Variants in SHISA6 observed in about 807,000 individuals in gnomAD.
The protein encoded by SHISA6 is shisa family member 6, also known as protein shisa-6.
In SHISA6, 22 loss-of-function variants were observed where a neutral mutation model predicts 47.9. That is an observed-to-expected ratio of 0.46 (90% CI 0.33 to 0.66). The LOEUF is 0.66. Among genes scored for constraint, SHISA6 ranks in the 30% least tolerant of loss-of-function variants. SHISA6 has a pLI of 0.02. For synonymous variants in SHISA6, 388 were observed against 337.8 expected, an observed-to-expected ratio of 1.15 and a Z score of -1.63; for missense variants, 680 against 764.6, an observed-to-expected ratio of 0.89 and a Z score of 1.30.
intron 2 of SHISA6, among the ~76,000 whole-genome samples, chr17:11,360,526 C>T (rs1233015741): frequency 1.3e-5 from 2 of 150,768 alleles, no homozygotes; most frequent in Non-Finnish European, 2.9e-5. Context: ...TGCCACTGCA[C>T]TCCAGCCTGG....
chr17:11,321,529 G>A (rs9909957), intron 2 of SHISA6, among the ~76,000 whole-genome samples: 137,793 of 152,262 alleles, frequency 0.9, 62,430 homozygotes, highest in East Asian at 1. Flanking sequence ...TTACAAAAAC[G>A]TATAGGTAGG....
At chr17:11,265,339 G>A (rs1316587721) in intron 2 of SHISA6, among the ~76,000 whole-genome samples, 1 of 152,148 alleles carries the variant, frequency 6.6e-6, no homozygotes, top group Non-Finnish European at 1.5e-5. Flanking sequence ...GCTGCACATT[G>A]GAATCAACTG....
chr17:11,263,869 A>G (rs1167418625), intron 2 of SHISA6, among the ~76,000 whole-genome samples: 1 of 152,184 alleles, frequency 6.6e-6, no homozygotes, highest in Non-Finnish European at 1.5e-5. Flanking sequence ...TAGGCTGAGT[A>G]GGATGCTAGA....
At chr17:11,522,737 G>C (rs1219392763) in intron 3 of SHISA6, among the ~76,000 whole-genome samples, 1 of 152,184 alleles carries the variant, frequency 6.6e-6, no homozygotes, top group Admixed American at 6.5e-5. Flanking sequence ...CACTGTGTTT[G>C]TCCAACATTG....
chr17:11,344,313 C>G (rs76432407), intron 2 of SHISA6, among the ~76,000 whole-genome samples: 2 of 152,026 alleles, frequency 1.3e-5, no homozygotes, highest in Non-Finnish European at 2.9e-5. Context: ...GAAACAAAAA[C>G]GTTTAAAAAT....
intron 3 of SHISA6, among the ~76,000 whole-genome samples, chr17:11,441,034 T>C (rs900306100): frequency 6.6e-6 from 1 of 151,882 alleles, no homozygotes; most frequent in Non-Finnish European, 1.5e-5. Flanking sequence ...AAAAAGAAGG[T>C]AGTCACTCAC....
intron 2 of SHISA6, among the ~76,000 whole-genome samples, chr17:11,332,940 T>A (rs564218753): frequency 5.3e-5 from 8 of 152,208 alleles, no homozygotes; most frequent in African/African-American, 1.7e-4. Context: ...AAACTGCCAG[T>A]GCGGCATCTA....
intron 2 of SHISA6, among the ~76,000 whole-genome samples, chr17:11,346,391 G>A (rs1358393059): frequency 1.3e-5 from 2 of 152,186 alleles, no homozygotes; most frequent in African/African-American, 4.8e-5. Context: ...ATCTGCATCT[G>A]TAGTTATAAG....
chr17:11,370,170 A>T (rs1912589872), intron 2 of SHISA6, among the ~76,000 whole-genome samples: 1 of 152,204 alleles, frequency 6.6e-6, no homozygotes, highest in Non-Finnish European at 1.5e-5. Context: ...CACCACCATC[A>T]AGCACTCCTC....
chr17:11,413,345 T>C (rs1341427446), intron 3 of SHISA6, among the ~76,000 whole-genome samples: 2 of 152,194 alleles, frequency 1.3e-5, no homozygotes, highest in Non-Finnish European at 2.9e-5. Context: ...ATGTCTGTGT[T>C]CACCCTCATA....
chr17:11,507,963 A>G (rs1041374366), intron 3 of SHISA6, among the ~76,000 whole-genome samples: 5 of 152,228 alleles, frequency 3.3e-5, no homozygotes, highest in Non-Finnish European at 7.3e-5. Flanking sequence ...GGAGTGAGCT[A>G]GCCCAAGGAC....
At chr17:11,489,255 T>G (rs1331602454) in intron 3 of SHISA6, among the ~76,000 whole-genome samples, 1 of 152,124 alleles carries the variant, frequency 6.6e-6, no homozygotes, top group East Asian at 1.9e-4. Context: ...ATGAAAATCT[T>G]TCTCTTCTGC....
chr17:11,256,538 G>GT (rs1196782283), intron 1 of SHISA6, among the ~76,000 whole-genome samples: 1 of 152,088 alleles, frequency 6.6e-6, no homozygotes, highest in Non-Finnish European at 1.5e-5. Flanking sequence ...CACAAGAATC[G>GT]TAATGGCAGC....
chr17:11,323,717 C>T (rs370949117), intron 2 of SHISA6, among the ~76,000 whole-genome samples: 6 of 151,338 alleles, frequency 4.0e-5, no homozygotes, highest in Admixed American at 1.3e-4. Context: ...ACTTTGTGGT[C>T]GAGCTGGGAC....
intron 3 of SHISA6, among the ~76,000 whole-genome samples, chr17:11,501,595 G>A (rs1167477788): frequency 6.6e-6 from 1 of 152,092 alleles, no homozygotes; most frequent in Non-Finnish European, 1.5e-5. Flanking sequence ...AGGCAGTTGG[G>A]CCTCCATAGG....
rs141947450 is a variant in SHISA6 at position 11,521,234 on chromosome 17, A to G, written c.896-30662A>G. Among the ~76,000 whole-genome samples, 375 of 152,366 alleles carry G rather than the reference A, an allele frequency of 2.5e-3. 1 individual carries two copies. The highest frequency in any genetic ancestry group is 8.6e-3 in the African/African-American group (358 of 41,580). On this transcript the variant is annotated intron_variant, in intron 3 of 5. Transcript: ENST00000441885. ...GTGGATTATATTGTTCTTTAAAGCA[A>G]GGTTTTGAAGACAATAATTAAATAT...
chr17:11,297,241 A>G (rs1909784558), intron 2 of SHISA6, among the ~76,000 whole-genome samples: 1 of 152,154 alleles, frequency 6.6e-6, no homozygotes, highest in Non-Finnish European at 1.5e-5. Context: ...GGGCATGCAG[A>G]GGAGTGAAAT....
At chr17:11,470,091 C>G (rs1597534549) in intron 3 of SHISA6, among the ~76,000 whole-genome samples, 1 of 152,162 alleles carries the variant, frequency 6.6e-6, no homozygotes, top group Non-Finnish European at 1.5e-5. Flanking sequence ...GGAGAGGGAC[C>G]TCACCAGAAA....
intron 3 of SHISA6, among the ~76,000 whole-genome samples, chr17:11,543,923 A>AC (rs1364575785): frequency 6.7e-6 from 1 of 150,296 alleles, no homozygotes; most frequent in African/African-American, 2.4e-5. Flanking sequence ...AAAAAAAAAA[A>AC]AAACAAAAAA....
Sources: allele counts gnomAD v4.1 joint callset (sites outside exome capture counted in the v4.1 genomes callset), GRCh38; gene constraint gnomAD v4.1.1; transcripts MANE v1.5; gene names NCBI Gene and HGNC (gene_info 2026-07-23, HGNC 2026-07-21).